DDR2: variants seen among roughly 807,000 people sequenced by gnomAD.
The protein encoded by DDR2 is discoidin domain-containing receptor 2.
In DDR2, 27 loss-of-function variants were observed where a neutral mutation model predicts 94.9. The observed-to-expected ratio is 0.28, with a 90% CI of 0.21 to 0.39. DDR2 has a LOEUF of 0.39. DDR2 is among the 10% of genes least tolerant of loss of function. DDR2 has a pLI of 1.00. For missense variants in DDR2, 783 were observed against 1,076.0 expected, an observed-to-expected ratio of 0.73 and a Z score of 3.81; for synonymous variants, 382 against 377.2, an observed-to-expected ratio of 1.01 and a Z score of -0.15.
intron 14 of DDR2, among the ~76,000 whole-genome samples, chr1:162,773,980 A>G (rs936571782): frequency 4.6e-5 from 7 of 152,166 alleles, no homozygotes; most frequent in Non-Finnish European, 1.0e-4. Context: ...CTTTCTTGCT[A>G]AGCCTCTTCC....
intron 2 of DDR2, among the ~76,000 whole-genome samples, chr1:162,671,671 C>T (rs1658850253): frequency 6.6e-6 from 1 of 152,140 alleles, no homozygotes; most frequent in Admixed American, 6.5e-5. Flanking sequence ...GCCTTTCTAG[C>T]CCAATAAATT....
At chr1:162,663,757 T>C (rs78270832) in intron 2 of DDR2, among the ~76,000 whole-genome samples, 5,170 of 152,242 alleles carry the variant, frequency 0.034, 140 homozygotes, top group East Asian at 0.13. Context: ...GAAGTCTCCC[T>C]GCTCTGGGAA....
rs1407257853 is a variant in DDR2 at position 162,778,715 on chromosome 1, G to C, written c.2419G>C (p.Asp807His). The change falls in exon 17 of 18, where the codon GAC (aspartate) becomes CAC (histidine). Residue 807 changes from aspartate (D) to histidine (H), a missense_variant. By Grantham distance (81) the Asp-to-His change is moderately conservative. This residue lies in a region of DDR2 where 264 missense variants were observed against 428.2 expected (regional missense o/e 0.62). Coordinates refer to ENST00000367921, the MANE Select transcript of DDR2 (RefSeq NM_006182.4). ...TGAGAATACTGGAGAGTTCTTCCGA[G>C]ACCAAGGGAGGCAGGTAAGAACTGT... ...VIENTGEFFRDQGRQTYLPQP... is the reference protein window; with the variant it reads ...VIENTGEFFRHQGRQTYLPQP... 1 of 1,613,880 alleles carries C rather than the reference G, an allele frequency of 6.2e-7. No homozygotes were observed. The highest frequency in any genetic ancestry group is 1.1e-5 in the South Asian group (1 of 91,072).
chr1:162,777,892 G>A (rs1358072664), intron 16 of DDR2: 2 of 154,264 alleles, frequency 1.3e-5, no homozygotes, highest in Non-Finnish European at 2.9e-5. Flanking sequence ...TGCCTAAAGA[G>A]GGATGAGCCA....
In DDR2 at chr1:162,770,618, C is replaced by A. The variant is rs747727936; in HGVS notation, c.1504+106C>A. The A allele has an allele frequency of 4.4e-6, 5 of 1,127,226 alleles. No homozygotes were observed. The South Asian group carries it at 5.3e-5, about 12-fold the overall frequency. The allele number at this position is 1,127,226 out of a possible 1,614,324, so 69.8% of individuals were successfully genotyped here. On this transcript the variant is annotated intron_variant, in intron 12 of 17. Coordinates refer to ENST00000367921, the MANE Select transcript of DDR2 (RefSeq NM_006182.4). Reference sequence around the variant, plus strand: ...TCATTGCATCTATTTTTAGTCTCTGCTAACCTCCTGAGAAGTCCACATTCT... The same window carrying A: ...TCATTGCATCTATTTTTAGTCTCTGATAACCTCCTGAGAAGTCCACATTCT...
Position 162,775,808 on chromosome 1 carries a change from C to T in DDR2, c.2013C>T (p.Pro671=), listed in dbSNP as rs1377832377. Residue 671 remains proline, a synonymous_variant, in exon 15 of 18, where the codon CCC becomes CCT. Coordinates refer to ENST00000367921, the MANE Select transcript of DDR2 (RefSeq NM_006182.4). ...ATCAGTTTCTTTCCCGCCACGAGCC[C>T]CCTAATTCTTCCTCCAGCGATGTAC... The part of the protein sequence containing the change: ...DLNQFLSRHE[P]PNSSSSDVRT... 6.2e-7 allele frequency: 1 copy of T among 1,614,064 alleles called. No individual in the cohort carries two copies. The highest frequency in any genetic ancestry group is 8.5e-7 in the Non-Finnish European group (1 of 1,179,986).
intron 1 of DDR2, among the ~76,000 whole-genome samples, chr1:162,637,670 G>T (rs1656895386): frequency 6.6e-6 from 1 of 152,150 alleles, no homozygotes; most frequent in African/African-American, 2.4e-5. Context: ...TGTAGCTACA[G>T]TTTGAGGTTT....
At chr1:162,712,357 T>G (rs1291994958) in intron 2 of DDR2, among the ~76,000 whole-genome samples, 3 of 151,656 alleles carry the variant, frequency 2.0e-5, no homozygotes, top group Non-Finnish European at 2.9e-5. Flanking sequence ...GATTTGGCCC[T>G]GAATGTGTCT....
At chr1:162,723,305 G>T (rs992507868) in intron 3 of DDR2, among the ~76,000 whole-genome samples, 1 of 152,192 alleles carries the variant, frequency 6.6e-6, no homozygotes, top group Non-Finnish European at 1.5e-5. Flanking sequence ...CCATTCCCCT[G>T]TGGGATCCTT....
intron 1 of DDR2, among the ~76,000 whole-genome samples, chr1:162,650,018 T>C (rs1456446374): frequency 6.6e-6 from 1 of 152,214 alleles, no homozygotes; most frequent in Non-Finnish European, 1.5e-5. Context: ...GAAACACAGC[T>C]ATTCTCCTCT....
At chr1:162,716,913 C>T (rs1661191428) in intron 2 of DDR2, among the ~76,000 whole-genome samples, 1 of 152,186 alleles carries the variant, frequency 6.6e-6, no homozygotes, top group Non-Finnish European at 1.5e-5. Context: ...TCCTTAATCA[C>T]TCCAGCTTAA....
chr1:162,662,666 C>T (rs901939332), intron 2 of DDR2, among the ~76,000 whole-genome samples: 1 of 152,054 alleles, frequency 6.6e-6, no homozygotes, highest in Non-Finnish European at 1.5e-5. Flanking sequence ...ATGTGTTTCT[C>T]ATCTGTAAAA....
chr1:162,681,267 G>T (rs1349565259), intron 2 of DDR2, among the ~76,000 whole-genome samples: 2 of 152,134 alleles, frequency 1.3e-5, no homozygotes, highest in African/African-American at 2.4e-5. Flanking sequence ...ACCTTTGACT[G>T]CAGTTTGGTT....
chr1:162,689,842 T>TAAAAAAAAAAAAAAAAA (rs1158650637), intron 2 of DDR2, among the ~76,000 whole-genome samples: 1 of 10,926 alleles, frequency 9.2e-5, no homozygotes, highest in Non-Finnish European at 2.5e-4. Context: ...CATCTCTACT[T>TAAAAAAAAAAAAAAAAA]AAAAAAAAAA....
At chr1:162,667,319 TG>T (rs904163714) in intron 2 of DDR2, among the ~76,000 whole-genome samples, 3 of 152,136 alleles carry the variant, frequency 2.0e-5, no homozygotes, top group Non-Finnish European at 4.4e-5. Context: ...TGTTATTCTG[TG>T]TTACAGATGA....
intron 3 of DDR2, among the ~76,000 whole-genome samples, chr1:162,721,932 G>A (rs1272049495): frequency 2.0e-5 from 3 of 152,168 alleles, no homozygotes; most frequent in African/African-American, 7.2e-5. Context: ...ATTAGTTGAA[G>A]CTCATTGTTG....
At chr1:162,635,900 A>G (rs1017084763) in intron 1 of DDR2, among the ~76,000 whole-genome samples, 4 of 152,190 alleles carry the variant, frequency 2.6e-5, no homozygotes, top group Non-Finnish European at 5.9e-5. Context: ...ATTCAATTTT[A>G]TTCCATTTGA....
chr1:162,673,951 A>C (rs73020582), intron 2 of DDR2, among the ~76,000 whole-genome samples: 12,248 of 151,980 alleles, frequency 0.081, 1,676 homozygotes, highest in African/African-American at 0.28. Flanking sequence ...CTCTCTCTCT[A>C]GGTAATCTCT....
chr1:162,690,130 T>C (rs1311407036), intron 2 of DDR2, among the ~76,000 whole-genome samples: 2 of 152,128 alleles, frequency 1.3e-5, no homozygotes, highest in Admixed American at 6.5e-5. Context: ...ACTTTCTAAA[T>C]ACTTTACATG....
Sources: gnomAD v4.1 joint callset for allele counts (sites outside exome capture counted in the v4.1 genomes callset) on GRCh38, gnomAD v4.1.1 for gene constraint, gnomAD v4.1.1 regional missense constraint, MANE v1.5 for transcripts, NCBI Gene and HGNC (gene_info 2026-07-23, HGNC 2026-07-21) for gene names.